Variants in ZFHX4 observed in about 807,000 individuals in gnomAD.
The protein encoded by ZFHX4 is zinc finger homeobox protein 4.
ZFHX4 carries 56 observed loss-of-function variants against 267.6 expected under a neutral mutation model. The observed-to-expected ratio is 0.21, with a 90% CI of 0.17 to 0.26. The LOEUF is 0.26. Ranked by LOEUF, ZFHX4 falls within the 10% of genes least tolerant of loss-of-function variation. The probability of loss-of-function intolerance (pLI) is 1.00; values close to 1 mark genes in which losing one functional copy is unlikely to be tolerated. For synonymous variants in ZFHX4, 1,778 were observed against 1,665.6 expected (o/e 1.07, Z -1.64); for missense variants, 4,332 against 4,420.0 (o/e 0.98, Z 0.56).
chr8:76,767,876 T>C (rs957210988), intron 3 of ZFHX4, among the ~76,000 whole-genome samples: 15 of 152,194 alleles, frequency 9.9e-5, no homozygotes, highest in Admixed American at 9.8e-4. Context: ...TTGACATTGG[T>C]CCTGTATTGG....
chr8:76,707,492 T>C (rs1329123099), intron 2 of ZFHX4, 54 bp from the exon 3 acceptor site: 2 of 1,405,010 alleles, frequency 1.4e-6, no homozygotes, highest in Non-Finnish European at 1.9e-6. Context: ...GATTCCTTTG[T>C]GTGTGCTGTG....
chr8:76,845,548 A>T (rs531626129), intron 6 of ZFHX4, among the ~76,000 whole-genome samples: 2 of 152,190 alleles, frequency 1.3e-5, no homozygotes, highest in South Asian at 4.1e-4. Context: ...GTTGAATAAC[A>T]TCTGTTATAT....
chr8:76,855,526 A>T lies in ZFHX4; in HGVS notation c.8605A>T (p.Thr2869Ser). The change falls in exon 10 of 11, where the codon ACA becomes TCA. Residue 2869 changes from threonine (T) to serine (S), a missense_variant. Around this residue, in one of 7 missense-constraint regions of ZFHX4, gnomAD observed 1,648 missense variants for 1,625.0 expected, o/e 1.01. Transcript: ENST00000651372. ...VCDDKFLFSL[T>S]SPSIHFNDKD... Reference sequence around the variant, plus strand: ...CGATGACAAATTTCTCTTTTCTCTCACAAGCCCATCCATCCATTTCAATGA... The same window carrying T: ...CGATGACAAATTTCTCTTTTCTCTCTCAAGCCCATCCATCCATTTCAATGA... 6.2e-7 allele frequency: 1 copy of T among 1,613,838 alleles called. No individual in the cohort carries two copies. The highest frequency in any genetic ancestry group is 1.3e-5 in the African/African-American group (1 of 75,022).
chr8:76,854,638 A>C lies in ZFHX4; in HGVS notation c.7717A>C (p.Thr2573Pro). 6.2e-7 allele frequency: 1 copy of C among 1,613,646 alleles called. No homozygotes were observed. Residue 2573 changes from threonine (T) to proline (P), a missense_variant, in exon 10 of 11, where the codon ACG becomes CCG. By Grantham distance (38) the Thr-to-Pro change is conservative. Around this residue, in one of 7 missense-constraint regions of ZFHX4, gnomAD observed 1,648 missense variants for 1,625.0 expected, o/e 1.01. Transcript: ENST00000651372. ...TTCCTCCCACACCACAGCCCCCACA[A>C]CGGTTGCTGCTTCCCTAAAAAGGAA... ...ASSSHTTAPT[T>P]VAASLKRKLD...
chr8:76,787,687 C>T (rs1305017825), intron 4 of ZFHX4, among the ~76,000 whole-genome samples: 1 of 148,416 alleles, frequency 6.7e-6, no homozygotes, highest in Non-Finnish European at 1.5e-5. Flanking sequence ...GTGGCGGGAG[C>T]ATGTAGTCCC....
rs557300928 is a variant in ZFHX4, at chr8:76,709,250, G to A, written c.3093+1202G>A. Among the ~76,000 whole-genome samples the A allele has an allele frequency of 4.6e-5, 7 of 152,256 alleles. No homozygotes were observed. In the South Asian group the frequency reaches 6.2e-4, roughly 14 times the overall value. On this transcript the variant is annotated intron_variant, in intron 3 of 10. Transcript: ENST00000651372. ...AATGTACTGTGCATAAAATCCTAAC[G>A]ACTCAGTGTGAGAATTTGTAGCACT...
chr8:76,786,322 G>A (rs1810687904), intron 4 of ZFHX4, among the ~76,000 whole-genome samples: 3 of 150,472 alleles, frequency 2.0e-5, no homozygotes, highest in Non-Finnish European at 4.4e-5. Context: ...CTAGCTATCA[G>A]TTCTCATCTG....
At chr8:76,710,776 G>A (rs1808402878) in intron 3 of ZFHX4, among the ~76,000 whole-genome samples, 1 of 152,070 alleles carries the variant, frequency 6.6e-6, no homozygotes, top group African/African-American at 2.4e-5. Flanking sequence ...TTTACCTCTT[G>A]CATTGTCAAA....
intron 4 of ZFHX4, among the ~76,000 whole-genome samples, chr8:76,825,330 G>C (rs907836429): frequency 1.3e-5 from 2 of 152,182 alleles, no homozygotes; most frequent in Non-Finnish European, 2.9e-5. Context: ...TGAATGTCAG[G>C]GAAGTTAAGT....
intron 3 of ZFHX4, among the ~76,000 whole-genome samples, chr8:76,738,599 T>TTTCCCTCCTTCCTTCCTTCC (rs1554556158): frequency 7.7e-6 from 1 of 130,016 alleles, no homozygotes; most frequent in Non-Finnish European, 1.6e-5. Context: ...TTTCTTTCTT[T>TTTCCCTCCTTCCTTCCTTCC]TTCCTTCCTT....
intron 3 of ZFHX4, among the ~76,000 whole-genome samples, chr8:76,770,233 A>G (rs1379463225): frequency 1.3e-5 from 2 of 152,206 alleles, no homozygotes; most frequent in African/African-American, 2.4e-5. Flanking sequence ...TGTCTAAAGC[A>G]TATAGCACAT....
At chr8:76,690,068 A>G (rs1807786679) in intron 1 of ZFHX4, among the ~76,000 whole-genome samples, 1 of 152,032 alleles carries the variant, frequency 6.6e-6, no homozygotes, top group South Asian at 2.1e-4. Context: ...GATCATTTCT[A>G]ATGTTTGTCT....
intron 4 of ZFHX4, among the ~76,000 whole-genome samples, chr8:76,807,508 T>C (rs1490901142): frequency 6.6e-6 from 1 of 152,108 alleles, no homozygotes; most frequent in Non-Finnish European, 1.5e-5. Flanking sequence ...TTCTTTCTCA[T>C]ACAGACAGCT....
At chr8:76,810,243 A>C (rs907276680) in intron 4 of ZFHX4, among the ~76,000 whole-genome samples, 5 of 152,198 alleles carry the variant, frequency 3.3e-5, no homozygotes, top group African/African-American at 1.2e-4. Context: ...ATCAAAAGGG[A>C]AGCTTTAAAA....
chr8:76,810,169 G>A (rs1436161874), intron 4 of ZFHX4, among the ~76,000 whole-genome samples: 1 of 152,056 alleles, frequency 6.6e-6, no homozygotes, highest in East Asian at 1.9e-4. Flanking sequence ...ATTTCATCTT[G>A]CATTGTTTTC....
intron 3 of ZFHX4, 107 bp from the exon 4 acceptor site, chr8:76,778,101 G>A (rs11782906): frequency 0.12 from 86,374 of 731,892 alleles, 6,293 homozygotes; most frequent in African/African-American, 0.29. Context: ...AAATGCATTT[G>A]AGCATCTGTG....
chr8:76,747,888 C>T (rs1199336124), intron 3 of ZFHX4, among the ~76,000 whole-genome samples: 2 of 151,984 alleles, frequency 1.3e-5, no homozygotes, highest in East Asian at 1.9e-4. Context: ...GCCGAGATTG[C>T]GTCACTGCAC....
rs528097919 is a variant in ZFHX4 at position 76,760,850 on chromosome 8, G to A, written c.3094-17358G>A. On this transcript the variant is annotated intron_variant, in intron 3 of 10. Coordinates refer to ENST00000651372, the MANE Select transcript of ZFHX4 (RefSeq NM_024721.5). ...AGCTGAAGTGGGAGAGTCTGCTCGAGCCAAAGCGATTGAGGCTGCAGTGAG... is the reference window on the plus strand; with the variant it reads ...AGCTGAAGTGGGAGAGTCTGCTCGAACCAAAGCGATTGAGGCTGCAGTGAG... Among the ~76,000 whole-genome samples, 6 of 146,474 alleles carry A rather than the reference G, an allele frequency of 4.1e-5. No individual in the cohort carries two copies. In the Admixed American group the frequency reaches 4.2e-4, roughly 10 times the overall value.
chr8:76,845,684 T>C (rs1812346715), intron 6 of ZFHX4, among the ~76,000 whole-genome samples: 1 of 152,058 alleles, frequency 6.6e-6, no homozygotes. Flanking sequence ...TTACTTGTTA[T>C]GAGTATAAAC....
Sources: gnomAD v4.1 joint callset for allele counts (sites outside exome capture counted in the v4.1 genomes callset) on GRCh38, gnomAD v4.1.1 for gene constraint, gnomAD v4.1.1 regional missense constraint, MANE v1.5 for transcripts, NCBI Gene and HGNC (gene_info 2026-07-23, HGNC 2026-07-21) for gene names.